The following SYNE3 variants were observed in gnomAD, a reference collection of about 807,000 sequenced individuals.
The protein encoded by SYNE3 is spectrin repeat containing nuclear envelope family member 3, also known as nesprin-3.
In SYNE3, 100 loss-of-function variants were observed where a neutral mutation model predicts 111.2. The observed-to-expected ratio is 0.90, with a 90% confidence interval of 0.77 to 1.06. The LOEUF is 1.06. SYNE3 is among the 50% of genes least tolerant of loss of function. The pLI is 0.00. For synonymous variants in SYNE3, 547 were observed against 533.9 expected, an observed-to-expected ratio of 1.02 and a Z score of -0.34; for missense variants, 1,160 against 1,240.3, an observed-to-expected ratio of 0.94 and a Z score of 0.97.
Position 95,450,203 on chromosome 14 carries a change from A to G in SYNE3, c.1275-98T>C. On this transcript the variant is annotated intron_variant, in intron 7 of 17. Transcript: ENST00000682763. ...AAGACCCTCAAGAGGCCCAGCATGC[A>G]CTGCTCCCAGGGTGGGCCTTCTCCT... The G allele has an allele frequency of 2.8e-6, 4 of 1,406,998 alleles. No individual in the cohort carries two copies. In the South Asian group the frequency reaches 4.2e-5, roughly 15 times the overall value. 87.2% of individuals were successfully genotyped at this position (1,406,998 alleles called of 1,614,324 possible).
In SYNE3 at chr14:95,443,255, T is replaced by A. The variant is rs764345357; in HGVS notation, c.1811A>T (p.Gln604Leu). 6.2e-7 allele frequency: 1 copy of A among 1,614,210 alleles called. No individual in the cohort carries two copies. The highest frequency in any genetic ancestry group is 8.5e-7 in the Non-Finnish European group (1 of 1,180,018). The change falls in exon 11 of 18, where the codon CAG (glutamine) becomes CTG (leucine). Residue 604 changes from glutamine (Q) to leucine (L), a missense_variant. Gln to Leu is a moderately radical substitution (Grantham distance 113, BLOSUM62 -2). Transcript: ENST00000682763. Reference protein sequence around the residue: ...LQEEGLDLGAQMEAARPLVQE... With the variant: ...LQEEGLDLGALMEAARPLVQE... ...GACCAGAGGCCTTGCAGCCTCCATC[T>A]GTGCCCCCAAGTCCAGCCCCTCTTC...
chr14:95,475,945 G>A (rs941935200), intron 1 of SYNE3, 110 bp from the exon 2 acceptor site: 8 of 1,141,358 alleles, frequency 7.0e-6, no homozygotes, highest in Non-Finnish European at 9.1e-6. Context: ...ACCCTCCCCT[G>A]GTGCTCCCAG....
At chr14:95,504,444 C>A (rs1595262256) in intron 1 of SYNE3, among the ~76,000 whole-genome samples, 1 of 152,334 alleles carries the variant, frequency 6.6e-6, no homozygotes, top group South Asian at 2.1e-4. Context: ...GGATAGCCAG[C>A]TTTACTGATG....
chr14:95,426,750 G>T (rs954578979), intron 17 of SYNE3, among the ~76,000 whole-genome samples: 1 of 151,626 alleles, frequency 6.6e-6, no homozygotes, highest in Non-Finnish European at 1.5e-5. Flanking sequence ...GACCATCCTG[G>T]CTAACACAGT....
At chr14:95,493,823 C>T (rs141506140) in intron 1 of SYNE3, among the ~76,000 whole-genome samples, 67 of 152,314 alleles carry the variant, frequency 4.4e-4, no homozygotes, top group Non-Finnish European at 8.8e-4. Context: ...TTTGGAATTC[C>T]GGTGAGGAAT....
intron 1 of SYNE3, among the ~76,000 whole-genome samples, chr14:95,502,427 C>G (rs923780595): frequency 6.6e-6 from 1 of 152,086 alleles, no homozygotes; most frequent in African/African-American, 2.4e-5. Flanking sequence ...GTGTGTCCTG[C>G]CTTTGAGGCC....
intron 6 of SYNE3, 45 bp from the exon 7 acceptor site, chr14:95,452,428 C>T (rs1328751962): frequency 6.4e-7 from 1 of 1,563,500 alleles, no homozygotes; most frequent in Non-Finnish European, 8.6e-7. Context: ...GGCTCCTCAA[C>T]AGGATAAGTG....
At chr14:95,425,958 C>A (rs915667703) in intron 17 of SYNE3, among the ~76,000 whole-genome samples, 3 of 152,112 alleles carry the variant, frequency 2.0e-5, no homozygotes, top group Non-Finnish European at 2.9e-5. Context: ...TCATCGACCC[C>A]AGTGCCCCAG....
intron 17 of SYNE3, among the ~76,000 whole-genome samples, chr14:95,426,722 A>G (rs1480872085): frequency 4.6e-5 from 7 of 152,114 alleles, no homozygotes; most frequent in African/African-American, 1.7e-4. Context: ...TGGGTGGATC[A>G]TGAGATCAGG....
At chr14:95,445,440 C>T (rs1886656200) in intron 9 of SYNE3, among the ~76,000 whole-genome samples, 2 of 152,256 alleles carry the variant, frequency 1.3e-5, no homozygotes, top group South Asian at 2.1e-4. Context: ...TTGTCATCAT[C>T]ATTAGATGCT....
chr14:95,505,557 A>G (rs1890499224), intron 1 of SYNE3, among the ~76,000 whole-genome samples: 2 of 152,214 alleles, frequency 1.3e-5, no homozygotes, highest in African/African-American at 2.4e-5. Flanking sequence ...GATTTTGACT[A>G]TATCTGCCAT....
In SYNE3 at chr14:95,409,628, C is replaced by G. The variant is rs1595161313; in HGVS notation, c.*8198G>C. The stretch of plus-strand genomic sequence containing the variant: ...ACTGTGCTTTAAGGCCCTGAACATC[C>G]TGCTGAACCATTTGCTTTTAGACCA... On this transcript the variant is annotated 3_prime_UTR_variant, in exon 18 of 18. Coordinates refer to ENST00000682763, the MANE Select transcript of SYNE3 (RefSeq NM_152592.6). 1 of 344,630 alleles carries G rather than the reference C, an allele frequency of 2.9e-6. No homozygotes were observed. Among genetic ancestry groups the G allele is most frequent in the Non-Finnish European group, 5.8e-6 (1 of 173,508 alleles). 21.3% of individuals were successfully genotyped at this position (344,630 alleles called of 1,614,324 possible). A position where few individuals can be genotyped will look rare whatever the true frequency, so the allele number is the denominator to read the frequency against.
At chr14:95,504,558 T>C (rs575278789) in intron 1 of SYNE3, among the ~76,000 whole-genome samples, 3 of 152,298 alleles carry the variant, frequency 2.0e-5, no homozygotes, top group Admixed American at 6.5e-5. Flanking sequence ...CTAAGCTGAG[T>C]TCCCCCCACA....
intron 16 of SYNE3, 73 bp from the exon 17 acceptor site, chr14:95,432,190 G>C (rs1438959832): frequency 1.3e-6 from 2 of 1,520,128 alleles, no homozygotes; most frequent in Non-Finnish European, 1.8e-6. Flanking sequence ...AATCCCAACA[G>C]AGCCTGTAAT....
chr14:95,424,693 A>C (rs1406424101), intron 17 of SYNE3, among the ~76,000 whole-genome samples: 1 of 152,196 alleles, frequency 6.6e-6, no homozygotes, highest in African/African-American at 2.4e-5. Context: ...CACCAAATCC[A>C]ATCACAAGGA....
At chr14:95,480,147 A>C (rs904665442) in intron 1 of SYNE3, among the ~76,000 whole-genome samples, 1 of 152,226 alleles carries the variant, frequency 6.6e-6, no homozygotes, top group African/African-American at 2.4e-5. Context: ...AGCAAAAAAA[A>C]GTATTTTCTG....
intron 1 of SYNE3, among the ~76,000 whole-genome samples, chr14:95,496,679 C>A (rs1305009035): frequency 1.3e-5 from 2 of 152,238 alleles, no homozygotes; most frequent in Non-Finnish European, 2.9e-5. Flanking sequence ...TCCACAGTGT[C>A]CATCATTACA....
In SYNE3 at chr14:95,457,275, C is replaced by T. The variant is rs770117088; in HGVS notation, c.691G>A (p.Glu231Lys). The T allele has an allele frequency of 7.4e-6, 12 of 1,613,986 alleles. No homozygotes were observed. Among genetic ancestry groups the T allele is most frequent in the East Asian group, 2.2e-5 (1 of 44,878 alleles). The change falls in exon 5 of 18, where the codon GAG (glutamate) becomes AAG (lysine). Residue 231 changes from glutamate (E) to lysine (K), a missense_variant. By Grantham distance (56) the Glu-to-Lys change is moderately conservative (BLOSUM62 1). Coordinates refer to ENST00000682763, the MANE Select transcript of SYNE3 (RefSeq NM_152592.6). ...ACCGCCTTCAGCCACAGTTGGAACT[C>T]GTCCACACCTGCCTGGTACTCCTCA... ...EHEEYQAGVD[E>K]FQLWLKAVVE... is the part of the protein sequence containing the mutation.
chr14:95,466,246 G>A lies in SYNE3; in HGVS notation c.318-6C>T, dbSNP rs548597701. The A allele has an allele frequency of 5.8e-6, 9 of 1,555,552 alleles. No individual in the cohort carries two copies. In the South Asian group the frequency reaches 1.1e-4, roughly 19 times the overall value. ...GCCACACCCACTCGATGCGGCTGTG[G>A]GCACAGAGACCTCAAGGTTGTGAGG... On this transcript the variant is annotated splice_region_variant and splice_polypyrimidine_tract_variant and intron_variant, in intron 3 of 17. Coordinates refer to ENST00000682763, the MANE Select transcript of SYNE3 (RefSeq NM_152592.6).
Sources: gnomAD v4.1 joint callset for allele counts (sites outside exome capture counted in the v4.1 genomes callset) on GRCh38, gnomAD v4.1.1 for gene constraint, MANE v1.5 for transcripts, NCBI Gene and HGNC (gene_info 2026-07-23, HGNC 2026-07-21) for gene names.